Variants in MIA3 observed in about 807,000 individuals in gnomAD.
MIA3 encodes MIA SH3 domain ER export factor 3, also known as transport and Golgi organization protein 1 homolog.
In MIA3, 90 loss-of-function variants were observed where a neutral mutation model predicts 192.4. That is an observed-to-expected ratio of 0.47 (90% CI 0.39 to 0.56). MIA3 has a LOEUF of 0.56. Among genes scored for constraint, MIA3 ranks in the 20% least tolerant of loss-of-function variants. MIA3 has a pLI of 0.00. For missense variants in MIA3, 2,123 were observed against 2,269.4 expected, an observed-to-expected ratio of 0.94 and a Z score of 1.31; for synonymous variants, 740 against 792.8, an observed-to-expected ratio of 0.93 and a Z score of 1.12.
chr1:222,650,224 CTGA>C, intron 8 of MIA3, 65 bp from the exon 9 acceptor site: 2 of 863,152 alleles, frequency 2.3e-6, no homozygotes, highest in South Asian at 2.8e-5. Flanking sequence ...GTCTTTGCTG[CTGA>C]TACATTGGGT....
chr1:222,661,207 A>T (rs1332489277), intron 24 of MIA3: 1 of 152,716 alleles, frequency 6.5e-6, no homozygotes, highest in Non-Finnish European at 1.5e-5. Context: ...ATAAAATGCC[A>T]CTAGTGATGC....
At position 222,624,858 on chromosome 1, in the gene MIA3, A is replaced by G; in HGVS notation, c.354+4A>G. 2.6e-6 allele frequency: 4 copies of G among 1,546,736 alleles called. No homozygotes were observed. The highest frequency in any genetic ancestry group is 2.7e-6 in the Non-Finnish European group (3 of 1,121,224). Reference sequence around the variant, plus strand: ...AGAGCTACAAGTTCCAACAGATGTAAGTTGTGGATTTCTGTCTTGTTCTCA... The same window carrying G: ...AGAGCTACAAGTTCCAACAGATGTAGGTTGTGGATTTCTGTCTTGTTCTCA... On this transcript the variant is annotated splice_donor_region_variant and intron_variant, in intron 3 of 27. Coordinates refer to ENST00000344922, the MANE Select transcript of MIA3 (RefSeq NM_198551.4).
intron 7 of MIA3, 92 bp downstream of exon 7, chr1:222,645,777 C>A: frequency 8.8e-7 from 1 of 1,137,972 alleles, no homozygotes; most frequent in Non-Finnish European, 1.2e-6. Context: ...CTAATATGAA[C>A]AGAAATTAAT....
At chr1:222,634,812 A>G (rs1266920883) in intron 6 of MIA3, among the ~76,000 whole-genome samples, 2 of 152,252 alleles carry the variant, frequency 1.3e-5, no homozygotes, top group Admixed American at 1.3e-4. Context: ...GTTTCAAGCC[A>G]AGATGATTTT....
At chr1:222,634,312 C>T (rs1427085954) in intron 6 of MIA3, among the ~76,000 whole-genome samples, 3 of 151,882 alleles carry the variant, frequency 2.0e-5, no homozygotes, top group African/African-American at 4.8e-5. Context: ...CAGAGCAAGA[C>T]CCTGCCTCAG....
At position 222,667,936 on chromosome 1, in the gene MIA3, CTG is replaced by C. The variant is rs1664362985; in HGVS notation, c.*2321_*2322del. The C allele has an allele frequency of 6.6e-6, 1 of 152,124 alleles. No individual in the cohort carries two copies. The highest frequency in any genetic ancestry group is 1.5e-5 in the Non-Finnish European group (1 of 68,028). 9.4% of individuals were successfully genotyped at this position (152,124 alleles called of 1,614,324 possible). On this transcript the variant is annotated 3_prime_UTR_variant, in exon 28 of 28. Transcript: ENST00000344922. ...AGTAATTCGTGGGATGTGGTATATT[CTG>C]TGTCAACTTCAAGATAATCACTCAT... is the stretch of plus-strand genomic sequence containing the variant.
rs761834524 is a variant in MIA3 at position 222,654,810 on chromosome 1, T to G, written c.4607+17T>G. ...TTTGCAAAAGTAAGATTATCATCAT[T>G]TACTGTTAACTGTATTGTCATGTCA... On this transcript the variant is annotated intron_variant, in intron 18 of 27. Coordinates refer to ENST00000344922, the MANE Select transcript of MIA3 (RefSeq NM_198551.4). 6.2e-7 allele frequency: 1 copy of G among 1,607,692 alleles called. No homozygotes were observed. The highest frequency in any genetic ancestry group is 1.7e-5 in the Admixed American group (1 of 59,726).
intron 6 of MIA3, among the ~76,000 whole-genome samples, chr1:222,637,025 T>C (rs1023389903): frequency 6.6e-6 from 1 of 152,238 alleles, no homozygotes; most frequent in African/African-American, 2.4e-5. Flanking sequence ...AATTGTGTGC[T>C]GCCTGTTGTT....
Position 222,659,531 on chromosome 1 carries a change from C to T in MIA3, c.4770+18C>T, listed in dbSNP as rs1558196517. The T allele has an allele frequency of 6.2e-7, 1 of 1,612,156 alleles. No individual in the cohort carries two copies. The highest frequency in any genetic ancestry group is 8.5e-7 in the Non-Finnish European group (1 of 1,178,396). On this transcript the variant is annotated intron_variant, in intron 20 of 27. Transcript: ENST00000344922. ...AAAACCAGGTAATAATTCTAGTGCC[C>T]TACTATATAGTGCCCGGAATTCTTT...
chr1:222,650,227 A>T (rs2124901982), intron 8 of MIA3, 65 bp from the exon 9 acceptor site: 1 of 883,390 alleles, frequency 1.1e-6, no homozygotes. Context: ...TTTGCTGCTG[A>T]TACATTGGGT....
At chr1:222,636,246 T>C (rs75748446) in intron 6 of MIA3, among the ~76,000 whole-genome samples, 1 of 152,206 alleles carries the variant, frequency 6.6e-6, no homozygotes, top group Non-Finnish European at 1.5e-5. Flanking sequence ...TGATTAATGA[T>C]ATTGAGCACT....
chr1:222,629,573 A>AT lies in MIA3; in HGVS notation c.2357dup (p.Leu786PhefsTer3). 6.2e-7 allele frequency: 1 copy of AT among 1,614,064 alleles called. No homozygotes were observed. Among genetic ancestry groups the AT allele is most frequent in the African/African-American group, 1.3e-5 (1 of 75,034 alleles). ...AGAAAGCAAGCAAGAAACTAGTATG[A>AT]TTTTGGATAGCGAAAAAACAAGTGA... On this transcript the variant is annotated frameshift_variant, in exon 4 of 28. Transcript: ENST00000344922. LOFTEE classifies it high-confidence loss of function.
chr1:222,662,691 G>A (rs1413819356), intron 26 of MIA3, among the ~76,000 whole-genome samples: 3 of 152,074 alleles, frequency 2.0e-5, no homozygotes, highest in Non-Finnish European at 4.4e-5. Context: ...TAGAGCATCT[G>A]CTGTAACTGT....
At chr1:222,657,893 G>C (rs1380555889) in intron 18 of MIA3, among the ~76,000 whole-genome samples, 1 of 152,092 alleles carries the variant, frequency 6.6e-6, no homozygotes, top group Non-Finnish European at 1.5e-5. Flanking sequence ...TTTTACTATA[G>C]CTCCTCTATT....
At chr1:222,624,249 A>C (rs1438865723) in intron 2 of MIA3, among the ~76,000 whole-genome samples, 2 of 152,258 alleles carry the variant, frequency 1.3e-5, no homozygotes, top group African/African-American at 4.8e-5. Context: ...GTTACAGTTT[A>C]TCAAAACGTA....
Position 222,629,582 on chromosome 1 carries a change from A to G in MIA3, c.2362A>G (p.Ser788Gly). Reference sequence around the variant, plus strand: ...GCAAGAAACTAGTATGATTTTGGATAGCGAAAAAACAAGTGAGACTGCTGC... The same window carrying G: ...GCAAGAAACTAGTATGATTTTGGATGGCGAAAAAACAAGTGAGACTGCTGC... ...SKQETSMILDSEKTSETAAKG... is the reference protein window; with the variant it reads ...SKQETSMILDGEKTSETAAKG... The change falls in exon 4 of 28, where the codon AGC becomes GGC. Residue 788 changes from serine (S) to glycine (G), a missense_variant. Transcript: ENST00000344922. 1 of 1,614,028 alleles carries G rather than the reference A, an allele frequency of 6.2e-7. No homozygotes were observed.
At position 222,654,401 on chromosome 1, in the gene MIA3, A is replaced by C; in HGVS notation, c.4390A>C (p.Ile1464Leu). The C allele has an allele frequency of 6.2e-7, 1 of 1,613,836 alleles. No homozygotes were observed. The highest frequency in any genetic ancestry group is 8.5e-7 in the Non-Finnish European group (1 of 1,179,856). The change falls in exon 17 of 28, where the codon ATA becomes CTA. Residue 1464 changes from isoleucine to leucine, a missense_variant. Physicochemically the swap from Ile to Leu is conservative, Grantham distance 5. Around this residue, in one of 3 missense-constraint regions of MIA3, gnomAD observed 762 missense variants for 856.4 expected, o/e 0.89. Coordinates refer to ENST00000344922, the MANE Select transcript of MIA3 (RefSeq NM_198551.4). ...CTGCAATTTTTAGACACAGACTGCA[A>C]TATCGGTAGTTGAAGAGGATCTAAA... ...MMDVSRTQTA[I>L]SVVEEDLKLL...
chr1:222,647,748 C>T (rs1381264988), intron 7 of MIA3, among the ~76,000 whole-genome samples: 1 of 152,038 alleles, frequency 6.6e-6, no homozygotes, highest in Non-Finnish European at 1.5e-5. Context: ...CTTTTGGAAC[C>T]TTGGTCTCTG....
At position 222,654,390 on chromosome 1, in the gene MIA3, C is replaced by T; in HGVS notation, c.4379C>T (p.Thr1460Ile). 6.2e-7 allele frequency: 1 copy of T among 1,613,542 alleles called. No individual in the cohort carries two copies. The highest frequency in any genetic ancestry group is 1.1e-5 in the South Asian group (1 of 91,066). ...ACTTGTCTCTTCTGCAATTTTTAGA[C>T]ACAGACTGCAATATCGGTAGTTGAA... ...QIKQMMDVSR[T>I]QTAISVVEED... The change falls in exon 17 of 28, where the codon ACA becomes ATA. Residue 1460 changes from threonine (T) to isoleucine (I), a missense_variant and splice_region_variant. Transcript: ENST00000344922.
Sources: gnomAD v4.1 joint callset for allele counts (sites outside exome capture counted in the v4.1 genomes callset) on GRCh38, gnomAD v4.1.1 for gene constraint, gnomAD v4.1.1 regional missense constraint, MANE v1.5 for transcripts, NCBI Gene and HGNC (gene_info 2026-07-23, HGNC 2026-07-21) for gene names.